AKNA: variants seen among roughly 807,000 people sequenced by gnomAD.
AKNA encodes AT-hook transcription factor.
In AKNA, 67 loss-of-function variants were observed where a neutral mutation model predicts 138.8. The observed-to-expected ratio is 0.48, with a 90% CI of 0.40 to 0.59. The LOEUF is 0.59. Among genes scored for constraint, AKNA ranks in the 20% least tolerant of loss-of-function variants. The probability of loss-of-function intolerance (pLI) is 0.00; values close to 1 mark genes in which losing one functional copy is unlikely to be tolerated. For missense variants in AKNA, 1,813 were observed against 1,880.4 expected (o/e 0.96, Z 0.66); for synonymous variants, 737 against 754.4 (o/e 0.98, Z 0.38).
At chr9:114,342,859 G>GATGAATGA (rs149365711) in intron 19 of AKNA, among the ~76,000 whole-genome samples, 69 of 152,000 alleles carry the variant, frequency 4.5e-4, no homozygotes, top group African/African-American at 1.5e-3. Context: ...AGGGGTAAGT[G>GATGAATGA]ATGAATGAAT....
In AKNA at chr9:114,356,002, T is replaced by C. The variant is rs1413993425; in HGVS notation, c.2981A>G (p.Tyr994Cys). The change falls in exon 14 of 22, where the codon TAC (tyrosine) becomes TGC (cysteine). Residue 994 changes from tyrosine to cysteine, a missense_variant. Tyr to Cys is a radical substitution (Grantham distance 194). Transcript: ENST00000374088. Reference protein sequence around the residue: ...PSTPRSQAQRYLSSPSGPLRQ... With the variant: ...PSTPRSQAQRCLSSPSGPLRQ... ...GAGAGGCCCACTTGGGCTGGAGAGG[T>C]ACCTCTGTGCTTGGCTCCGGGGTGT... 1.2e-6 allele frequency: 2 copies of C among 1,614,134 alleles called. No homozygotes were observed. Among genetic ancestry groups the C allele is most frequent in the Non-Finnish European group, 8.5e-7 (1 of 1,180,018 alleles).
At chr9:114,331,453 G>T (rs1422213254), downstream of AKNA, 4 of 806,344 alleles carry the variant, frequency 5.0e-6, no homozygotes, top group African/African-American at 5.2e-5. Flanking sequence ...AAGGAGACCC[G>T]GGCCTTCACT....
At chr9:114,377,831 C>T (rs1833356875) in intron 2 of AKNA, among the ~76,000 whole-genome samples, 1 of 152,208 alleles carries the variant, frequency 6.6e-6, no homozygotes, top group Admixed American at 6.5e-5. Flanking sequence ...TGGGAGGCAT[C>T]TTTGCCATCT....
chr9:114,343,366 C>T (rs1830482408), intron 19 of AKNA, among the ~76,000 whole-genome samples: 1 of 152,160 alleles, frequency 6.6e-6, no homozygotes, highest in African/African-American at 2.4e-5. Flanking sequence ...GGCCACTGCT[C>T]TCTCTGCCAC....
rs770720717 is a variant in AKNA at position 114,343,710 on chromosome 9, G to C, written c.3755C>G (p.Ala1252Gly). 1 of 1,614,094 alleles carries C rather than the reference G, an allele frequency of 6.2e-7. No homozygotes were observed. Among genetic ancestry groups the C allele is most frequent in the Admixed American group, 1.7e-5 (1 of 60,020 alleles). ...PHCRPIRTQDAGGAVTGDPLG... is the reference protein window; with the variant it reads ...PHCRPIRTQDGGGAVTGDPLG... ...GTTTTCCAGGTGCCATTCCTTACCC[G>C]CATCCTGGGTCCTAATGGGCCGGCA... Residue 1252 changes from alanine (A) to glycine (G), a missense_variant and splice_region_variant, in exon 19 of 22, where the codon GCG (alanine) becomes GGG (glycine). Physicochemically the swap from Ala to Gly is moderately conservative, Grantham distance 60 (BLOSUM62 0). Transcript: ENST00000374088.
intron 18 of AKNA, chr9:114,344,338 G>GCC (rs1244506964): frequency 6.4e-6 from 1 of 155,360 alleles, no homozygotes; most frequent in Non-Finnish European, 1.4e-5. Context: ...ACTGAACGGG[G>GCC]CCGTATCCGT....
In AKNA at chr9:114,337,310, A is replaced by T; in HGVS notation, c.4068-4T>A. The T allele has an allele frequency of 6.9e-7, 1 of 1,450,830 alleles. No homozygotes were observed. The highest frequency in any genetic ancestry group is 9.2e-7 in the Non-Finnish European group (1 of 1,089,556). The allele number at this position is 1,450,830 out of a possible 1,614,324, so 89.9% of individuals were successfully genotyped here. The stretch of plus-strand genomic sequence containing the variant: ...AGGTCCTGCAGGCGCATAGTACCTG[A>T]GGAGAGAAGTGAGTGGGCTCGTTAC... On this transcript the variant is annotated splice_polypyrimidine_tract_variant and splice_region_variant and intron_variant, in intron 21 of 21. Transcript: ENST00000374088.
At chr9:114,393,049 A>T (rs1834407244) in intron 1 of AKNA, among the ~76,000 whole-genome samples, 1 of 152,180 alleles carries the variant, frequency 6.6e-6, no homozygotes, top group African/African-American at 2.4e-5. Flanking sequence ...ACTATACTGA[A>T]CACCTATTAT....
upstream of AKNA, among the ~76,000 whole-genome samples, chr9:114,391,257 C>A (rs1319836376): frequency 2.6e-5 from 4 of 152,240 alleles, no homozygotes; most frequent in Non-Finnish European, 5.9e-5. Flanking sequence ...AACATTGCAG[C>A]CCGCAGAGAT....
chr9:114,365,991 G>A (rs1408319013), intron 6 of AKNA, among the ~76,000 whole-genome samples: 3 of 152,196 alleles, frequency 2.0e-5, no homozygotes. Context: ...ACGGAACCAA[G>A]AATGGTGGTG....
Position 114,345,869 on chromosome 9 carries a change from A to C in AKNA, c.3655T>G (p.Tyr1219Asp). The change falls in exon 18 of 22, where the codon TAC becomes GAC. Residue 1219 changes from tyrosine to aspartate, a missense_variant. Physicochemically the swap from Tyr to Asp is radical, Grantham distance 160. Transcript: ENST00000374088. ...GCCCTCCCTCCTGACCTACCTGTGTATTGGCCCCGGAAGGTGACCCTGTCT... is the reference window on the plus strand; with the variant it reads ...GCCCTCCCTCCTGACCTACCTGTGTCTTGGCCCCGGAAGGTGACCCTGTCT... ...WPDRVTFRGQ[Y>D]TGHEYHVLSP... The C allele has an allele frequency of 6.2e-7, 1 of 1,614,046 alleles. No homozygotes were observed. The highest frequency in any genetic ancestry group is 1.1e-5 in the South Asian group (1 of 91,078).
chr9:114,375,317 A>G (rs753840110), intron 3 of AKNA, among the ~76,000 whole-genome samples: 1 of 152,252 alleles, frequency 6.6e-6, no homozygotes, highest in African/African-American at 2.4e-5. Context: ...CAGAAGTAAG[A>G]AGGAGGACGG....
chr9:114,367,639 C>A lies in AKNA; in HGVS notation c.1632G>T (p.Leu544=), dbSNP rs762607598. The change falls in exon 6 of 22, where the codon CTG becomes CTT. Residue 544 remains leucine (L), a synonymous_variant. Coordinates refer to ENST00000374088, the MANE Select transcript of AKNA (RefSeq NM_001317950.2). ...SPSSLTSMPT[L]GWLPENRDIS... is the part of the protein sequence containing the mutation. Reference sequence around the variant, plus strand: ...TGTCCCGGTTCTCCGGAAGCCACCCCAGGGTGGGCATGCTGGTAAGCGAGG... The same window carrying A: ...TGTCCCGGTTCTCCGGAAGCCACCCAAGGGTGGGCATGCTGGTAAGCGAGG... 3.7e-6 allele frequency: 6 copies of A among 1,603,064 alleles called. No individual in the cohort carries two copies. The East Asian group carries it at 1.4e-4, about 36-fold the overall frequency.
chr9:114,336,916 C>A lies in AKNA; in HGVS notation c.*138G>T. ...TTGGAAAGCACAGGGACTGAGCAGGCGGGACCTGTGCTGGAGGGAGACCCT... is the reference window on the plus strand; with the variant it reads ...TTGGAAAGCACAGGGACTGAGCAGGAGGGACCTGTGCTGGAGGGAGACCCT... On this transcript the variant is annotated 3_prime_UTR_variant, in exon 22 of 22. Transcript: ENST00000374088. 2 of 1,147,554 alleles carry A rather than the reference C, an allele frequency of 1.7e-6. No individual in the cohort carries two copies. The highest frequency in any genetic ancestry group is 2.3e-6 in the Non-Finnish European group (2 of 859,422). The allele number at this position is 1,147,554 out of a possible 1,614,324, so 71.1% of individuals were successfully genotyped here.
At chr9:114,341,823 G>A in intron 20 of AKNA, 98 bp from the exon 21 acceptor site, 5 of 1,392,432 alleles carry the variant, frequency 3.6e-6, no homozygotes, top group Non-Finnish European at 4.9e-6. Context: ...TATGAGAGCT[G>A]GACAGGCCCT....
In AKNA at chr9:114,381,059, C is replaced by T. The variant is rs1564094334; in HGVS notation, c.274+1G>A. On this transcript the variant is annotated splice_donor_variant, in intron 2 of 21. Transcript: ENST00000374088. LOFTEE classifies it high-confidence loss of function. ...TGTAGGGGGAGGGGTGTCAGTCTCA[C>T]CTTCTCCCGAAGTCTCTCCTGACTC... 9 of 1,552,064 alleles carry T rather than the reference C, an allele frequency of 5.8e-6. No homozygotes were observed. In the Admixed American group the frequency reaches 9.6e-5, roughly 17 times the overall value.
intron 3 of AKNA, 115 bp downstream of exon 3, chr9:114,376,351 C>T (rs1413982530): frequency 7.7e-6 from 6 of 780,002 alleles, no homozygotes; most frequent in Non-Finnish European, 1.1e-5. Flanking sequence ...CAGGCTCTAT[C>T]CCAGGCCTCT....
At chr9:114,384,975 G>A (rs1014549172) in intron 1 of AKNA, among the ~76,000 whole-genome samples, 1 of 152,040 alleles carries the variant, frequency 6.6e-6, no homozygotes, top group African/African-American at 2.4e-5. Flanking sequence ...TCGGCCTCCT[G>A]AGTAGCTAAG....
chr9:114,398,091 C>T (rs554803221), upstream of AKNA, among the ~76,000 whole-genome samples: 1 of 152,162 alleles, frequency 6.6e-6, no homozygotes, highest in East Asian at 1.9e-4. This position sits in a 1 kb window ranked among gnomAD's most constrained non-coding sequence, Gnocchi z 4.2. Flanking sequence ...CCCTCCCCTC[C>T]CTGCCACCAG....
Sources: allele counts gnomAD v4.1 joint callset (sites outside exome capture counted in the v4.1 genomes callset), GRCh38; gene constraint gnomAD v4.1.1; non-coding constraint Gnocchi (gnomAD v3.1); transcripts MANE v1.5; gene names NCBI Gene and HGNC (gene_info 2026-07-23, HGNC 2026-07-21).